EML5: variants seen among roughly 807,000 people sequenced by gnomAD.
The protein encoded by EML5 is echinoderm microtubule-associated protein-like 5.
Under a neutral mutation model 250.0 loss-of-function variants are expected in EML5, and 120 were observed. The ratio of observed to expected loss-of-function variants is 0.48; its 90% confidence interval spans 0.41 to 0.56. EML5 has a LOEUF of 0.56. Ranked by LOEUF, EML5 falls within the 20% of genes least tolerant of loss-of-function variation. The pLI, the probability that EML5 is intolerant of heterozygous loss-of-function variation, is 0.00. For synonymous variants in EML5, 771 were observed against 806.5 expected (o/e 0.96, Z 0.75); for missense variants, 2,006 against 2,437.6 (o/e 0.82, Z 3.73).
intron 20 of EML5, 22 bp downstream of exon 20, chr14:88,684,993 A>AG: frequency 6.3e-7 from 1 of 1,585,962 alleles, no homozygotes; most frequent in Non-Finnish European, 8.6e-7. Context: ...AGAAAAAAAA[A>AG]CAAATTAGCA....
At chr14:88,699,365 T>C (rs2093156201) in intron 14 of EML5, among the ~76,000 whole-genome samples, 1 of 151,812 alleles carries the variant, frequency 6.6e-6, no homozygotes, top group Admixed American at 6.6e-5. Context: ...CTTGGTTAAA[T>C]GCCTTGAATT....
At chr14:88,687,354 A>C (rs2141237452) in intron 18 of EML5, 27 bp from the exon 19 acceptor site, 1 of 1,464,240 alleles carries the variant, frequency 6.8e-7, no homozygotes, top group East Asian at 2.3e-5. Flanking sequence ...GTTCAAGTTA[A>C]TAAAGATCTA....
chr14:88,644,333 A>G lies in EML5; in HGVS notation c.4107+100T>C, dbSNP rs944483823. 10 of 1,078,628 alleles carry G rather than the reference A, an allele frequency of 9.3e-6. No homozygotes were observed. The South Asian group carries it at 1.6e-4, about 17-fold the overall frequency. The allele number at this position is 1,078,628 out of a possible 1,614,324, so 66.8% of individuals were successfully genotyped here. A position where few individuals can be genotyped will look rare whatever the true frequency, so the allele number is the denominator to read the frequency against. ...AAGTCAAACAAAAAACAGTACTCAA[A>G]TACACTGATTTTCATGAAAACTAAT... is the stretch of plus-strand genomic sequence containing the variant. On this transcript the variant is annotated intron_variant, in intron 30 of 43. Transcript: ENST00000554922.
At chr14:88,682,462 C>T (rs1173986648) in intron 20 of EML5, among the ~76,000 whole-genome samples, 4 of 150,906 alleles carry the variant, frequency 2.7e-5, no homozygotes, top group African/African-American at 9.7e-5. Context: ...CAAGGAGATG[C>T]AACAAAGGAA....
In EML5 at chr14:88,706,261, T is replaced by C. The variant is rs201867495; in HGVS notation, c.1823A>G (p.Gln608Arg). Residue 608 changes from glutamine to arginine, a missense_variant and splice_region_variant, in exon 11 of 44, where the codon CAA becomes CGA. Transcript: ENST00000554922. ...TTTAGCTAATGCATACTACTCACCT[T>C]GGGGTGCTATGTGAACAGCATCTTT... ...KLKDAVHIAPQESLADSHSDE... is the reference protein window; with the variant it reads ...KLKDAVHIAPRESLADSHSDE... 1.0e-4 allele frequency: 160 copies of C among 1,600,856 alleles called. No homozygotes were observed. The highest frequency in any genetic ancestry group is 3.3e-4 in the Middle Eastern group (2 of 6,008).
At position 88,792,507 on chromosome 14, in the gene EML5, G is replaced by T; in HGVS notation, c.-4C>A. ...TCGGGGCGCTCCGGGCCGCCATGTCGGGGCGCCCACCCGCCGCTCCCGCTC... is the reference window on the plus strand; with the variant it reads ...TCGGGGCGCTCCGGGCCGCCATGTCTGGGCGCCCACCCGCCGCTCCCGCTC... On this transcript the variant is annotated 5_prime_UTR_variant, in exon 1 of 44. Coordinates refer to ENST00000554922, the MANE Select transcript of EML5 (RefSeq NM_183387.3). This position sits in a 1 kb window ranked among gnomAD's most constrained non-coding sequence, Gnocchi z 6.9. 7.3e-7 allele frequency: 1 copy of T among 1,372,954 alleles called. No homozygotes were observed. Among genetic ancestry groups the T allele is most frequent in the Non-Finnish European group, 9.5e-7 (1 of 1,053,904 alleles). The allele number at this position is 1,372,954 out of a possible 1,614,324, so 85.0% of individuals were successfully genotyped here.
intron 43 of EML5, 21 bp from the exon 44 acceptor site, chr14:88,615,875 T>G: frequency 6.2e-7 from 1 of 1,606,404 alleles, no homozygotes; most frequent in South Asian, 1.1e-5. Flanking sequence ...AGAAGAAAAT[T>G]GCAGGGAGTT....
intron 33 of EML5, among the ~76,000 whole-genome samples, chr14:88,633,151 T>A (rs1416768443): frequency 6.6e-6 from 1 of 152,224 alleles, no homozygotes. Context: ...CTCAGCTATC[T>A]ACTCCTGGCA....
intron 25 of EML5, among the ~76,000 whole-genome samples, chr14:88,660,499 T>C (rs1240499860): frequency 6.6e-6 from 1 of 151,952 alleles, no homozygotes; most frequent in Admixed American, 6.6e-5. Flanking sequence ...TCCTAGTACT[T>C]TGGGAGGTCG....
chr14:88,742,795 A>G (rs1237022743), intron 4 of EML5, among the ~76,000 whole-genome samples: 1 of 152,110 alleles, frequency 6.6e-6, no homozygotes, highest in Non-Finnish European at 1.5e-5. Context: ...ACTACTATCC[A>G]TCAATCAAAT....
chr14:88,663,167 A>C, intron 23 of EML5, 48 bp from the exon 24 acceptor site: 1 of 1,247,776 alleles, frequency 8.0e-7, no homozygotes, highest in Non-Finnish European at 1.1e-6. Context: ...ATACATACAA[A>C]TATATATACC....
At position 88,725,963 on chromosome 14, in the gene EML5, GAAGA is replaced by G. The variant is rs199685835; in HGVS notation, c.1187+574_1187+577del. Among the ~76,000 whole-genome samples the G allele has an allele frequency of 3.9e-5, 6 of 152,190 alleles. No homozygotes were observed. In the East Asian group the frequency reaches 9.6e-4, roughly 24 times the overall value. On this transcript the variant is annotated intron_variant, in intron 8 of 43. Coordinates refer to ENST00000554922, the MANE Select transcript of EML5 (RefSeq NM_183387.3). ...GGATCTTACCGTTCACTGAGGTAGA[GAAGA>G]AAGACTTCGTAAGTACTTATCCTGT...
At chr14:88,758,180 A>C (rs910679900) in intron 1 of EML5, among the ~76,000 whole-genome samples, 1 of 151,526 alleles carries the variant, frequency 6.6e-6, no homozygotes, top group African/African-American at 2.4e-5. Context: ...ATACATATAT[A>C]TACATATATA....
chr14:88,730,112 A>G lies in EML5; in HGVS notation c.1050-3434T>C, dbSNP rs80081769. 2.1e-4 allele frequency among the ~76,000 whole-genome samples: 32 copies of G among 152,230 alleles called. No homozygotes were observed. The East Asian group carries it at 5.8e-3, about 28-fold the overall frequency. On this transcript the variant is annotated intron_variant, in intron 7 of 43. Transcript: ENST00000554922. ...TTTGTTTACCAATGTATATATTAAT[A>G]CTGGACTTAGAATGTTACATTTTTA... is the stretch of plus-strand genomic sequence containing the variant.
chr14:88,651,203 T>C (rs1322139829), intron 27 of EML5, among the ~76,000 whole-genome samples: 4 of 147,118 alleles, frequency 2.7e-5, no homozygotes, highest in Non-Finnish European at 1.5e-5. Flanking sequence ...GCTTGGACTC[T>C]GCCACGGGGG....
intron 26 of EML5, among the ~76,000 whole-genome samples, chr14:88,657,722 T>C (rs2091923426): frequency 6.6e-6 from 1 of 152,146 alleles, no homozygotes; most frequent in African/African-American, 2.4e-5. Context: ...GGTTAAAAAA[T>C]AAGTTCAATA....
At position 88,792,363 on chromosome 14, in the gene EML5, G is replaced by A. The variant is rs1481256249; in HGVS notation, c.141C>T (p.Tyr47=). The A allele has an allele frequency of 6.4e-7, 1 of 1,566,768 alleles. No individual in the cohort carries two copies. The highest frequency in any genetic ancestry group is 1.8e-5 in the Admixed American group (1 of 54,202). ...VYFVAGVGVV[Y]SPREHRQKFY... Reference sequence around the variant, plus strand: ...ACTTCTGCCTGTGCTCCCGCGGGCTGTACACCACGCCGACCCCCGCCACGA... The same window carrying A: ...ACTTCTGCCTGTGCTCCCGCGGGCTATACACCACGCCGACCCCCGCCACGA... The change falls in exon 1 of 44, where the codon TAC becomes TAT. Residue 47 remains tyrosine (Y), a synonymous_variant. Coordinates refer to ENST00000554922, the MANE Select transcript of EML5 (RefSeq NM_183387.3). This position sits in a 1 kb window ranked among gnomAD's most constrained non-coding sequence, Gnocchi z 6.9.
intron 31 of EML5, 37 bp from the exon 32 acceptor site, chr14:88,638,944 T>C (rs2090899738): frequency 6.1e-6 from 9 of 1,471,180 alleles, no homozygotes; most frequent in Non-Finnish European, 8.3e-6. Context: ...TTTGAAAATT[T>C]TAAGATGTAA....
At position 88,627,741 on chromosome 14, in the gene EML5, C is replaced by A; in HGVS notation, c.4436G>T (p.Gly1479Val). 1 of 1,612,970 alleles carries A rather than the reference C, an allele frequency of 6.2e-7. No individual in the cohort carries two copies. Among genetic ancestry groups the A allele is most frequent in the Non-Finnish European group, 8.5e-7 (1 of 1,179,452 alleles). Residue 1479 changes from glycine to valine, a missense_variant, in exon 34 of 44, where the codon GGA (glycine) becomes GTA (valine). Physicochemically the swap from Gly to Val is moderately radical, Grantham distance 109. This residue lies in a region of EML5 where 1,375 missense variants were observed against 1,590.3 expected (regional missense o/e 0.86). Transcript: ENST00000554922. ...AGCACTGAAGCTGACTGAACATACT[C>A]CCTTTGAATGGTAGCATCTTAGGAT... is the stretch of plus-strand genomic sequence containing the variant. ...LSILRCYHSK[G>V]VCSVSFSATG...
Sources: allele counts gnomAD v4.1 joint callset (sites outside exome capture counted in the v4.1 genomes callset), GRCh38; gene constraint gnomAD v4.1.1; regional missense constraint gnomAD v4.1.1; non-coding constraint Gnocchi (gnomAD v3.1); transcripts MANE v1.5; gene names NCBI Gene and HGNC (gene_info 2026-07-23, HGNC 2026-07-21).